Variants in LSAMP observed in about 807,000 individuals in gnomAD.
LSAMP encodes the protein limbic system-associated membrane protein.
Under a neutral mutation model 38.6 loss-of-function variants are expected in LSAMP, and 7 were observed. The observed-to-expected ratio is 0.18, with a 90% CI of 0.10 to 0.34. The LOEUF is 0.34. Among genes scored for constraint, LSAMP ranks in the 10% least tolerant of loss-of-function variants. LSAMP has a pLI of 1.00. For missense variants in LSAMP, 313 were observed against 420.0 expected, an observed-to-expected ratio of 0.75 and a Z score of 2.23; for synonymous variants, 154 against 166.8, an observed-to-expected ratio of 0.92 and a Z score of 0.59.
chr3:115,888,297 A>G (rs561402605), intron 3 of LSAMP, among the ~76,000 whole-genome samples: 4 of 151,922 alleles, frequency 2.6e-5, no homozygotes, highest in Admixed American at 2.6e-4. Flanking sequence ...ACTGTAGAAA[A>G]ACATCCATCC....
chr3:116,217,461 G>A (rs1217027775), intron 1 of LSAMP, among the ~76,000 whole-genome samples: 1 of 152,192 alleles, frequency 6.6e-6, no homozygotes. Context: ...GTTTACAAAT[G>A]CACGCATTCT....
chr3:115,837,871 G>A (rs527613843), intron 6 of LSAMP: 1 of 152,318 alleles, frequency 6.6e-6, no homozygotes, highest in South Asian at 2.1e-4. Flanking sequence ...TACATAGTAC[G>A]GTTGTTGTGA....
intron 1 of LSAMP, among the ~76,000 whole-genome samples, chr3:116,235,242 G>A (rs993650596): frequency 6.6e-6 from 1 of 151,908 alleles, no homozygotes; most frequent in African/African-American, 2.4e-5. Context: ...AGCCTCCCAG[G>A]TAGTTAGGAC....
chr3:116,240,705 C>T (rs1303871967), intron 1 of LSAMP, among the ~76,000 whole-genome samples: 1 of 152,110 alleles, frequency 6.6e-6, no homozygotes, highest in Non-Finnish European at 1.5e-5. Context: ...ATCTGTGGAA[C>T]CCAAGTTGTT....
intron 2 of LSAMP, among the ~76,000 whole-genome samples, chr3:116,048,050 C>G (rs1941326457): frequency 6.6e-6 from 1 of 152,132 alleles, no homozygotes; most frequent in South Asian, 2.1e-4. Context: ...CTTTGAATTT[C>G]CAAAATCTGA....
At chr3:116,163,139 T>C (rs1709939890) in intron 1 of LSAMP, among the ~76,000 whole-genome samples, 2 of 151,770 alleles carry the variant, frequency 1.3e-5, no homozygotes, top group African/African-American at 2.4e-5. Context: ...GTTTGTTACA[T>C]ATGTATACAT....
At chr3:116,102,665 T>G (rs1708373406) in intron 1 of LSAMP, among the ~76,000 whole-genome samples, 1 of 152,256 alleles carries the variant, frequency 6.6e-6, no homozygotes, top group Non-Finnish European at 1.5e-5. Flanking sequence ...GGACTTGGAC[T>G]GAAATTACTT....
intron 1 of LSAMP, among the ~76,000 whole-genome samples, chr3:116,297,292 G>T (rs1192957504): frequency 6.6e-6 from 1 of 152,254 alleles, no homozygotes; most frequent in East Asian, 1.9e-4. Context: ...AAATCTTGGA[G>T]AGACCATTGA....
chr3:116,051,828 G>A (rs898411434), intron 2 of LSAMP, among the ~76,000 whole-genome samples: 2 of 152,034 alleles, frequency 1.3e-5, no homozygotes, highest in Non-Finnish European at 2.9e-5. Context: ...ATGGTGCAGG[G>A]GGCTGGGGAG....
At chr3:116,089,932 A>C (rs1244402721) in intron 1 of LSAMP, among the ~76,000 whole-genome samples, 4 of 152,110 alleles carry the variant, frequency 2.6e-5, no homozygotes, top group African/African-American at 9.7e-5. Context: ...AATGTGACTA[A>C]AACTTTCTTA....
chr3:116,257,673 T>C (rs960543072), intron 1 of LSAMP, among the ~76,000 whole-genome samples: 2 of 152,186 alleles, frequency 1.3e-5, no homozygotes, highest in African/African-American at 4.8e-5. Context: ...ATGAGCAATG[T>C]AATTTTTTTC....
At chr3:116,107,683 C>T (rs1000368056) in intron 1 of LSAMP, among the ~76,000 whole-genome samples, 15 of 152,306 alleles carry the variant, frequency 9.8e-5, no homozygotes, top group South Asian at 2.1e-4. Flanking sequence ...TCTGTGAAGC[C>T]TTGCGGCAGT....
intron 1 of LSAMP, among the ~76,000 whole-genome samples, chr3:116,096,748 C>T (rs1708234701): frequency 6.6e-6 from 1 of 152,330 alleles, no homozygotes; most frequent in Middle Eastern, 3.4e-3. Context: ...CTGAGATCTG[C>T]TGGCTGAATT....
At chr3:116,342,518 ATC>A in intron 1 of LSAMP, among the ~76,000 whole-genome samples, 1 of 152,170 alleles carries the variant, frequency 6.6e-6, no homozygotes, top group African/African-American at 2.4e-5. Flanking sequence ...CCACAAAGAA[ATC>A]TCTGTTCAAC....
rs1285146385 is a variant in LSAMP at position 115,949,410 on chromosome 3, A to G, written c.514+70105T>C. Among the ~76,000 whole-genome samples the G allele has an allele frequency of 7.9e-5, 12 of 151,604 alleles. 1 individual carries two copies. In the South Asian group the frequency reaches 1.9e-3, roughly 24 times the overall value. On this transcript the variant is annotated intron_variant, in intron 3 of 6. Coordinates refer to ENST00000490035, the MANE Select transcript of LSAMP (RefSeq NM_002338.5). ...AATAGTTTTTTTGTTTTATTTATTT[A>G]TTTAGATTTATACAAAAGGTCATTC...
At position 115,937,443 on chromosome 3, in the gene LSAMP, C is replaced by G. The variant is rs139946366; in HGVS notation, c.514+82072G>C. Among the ~76,000 whole-genome samples, 401 of 152,002 alleles carry G rather than the reference C, an allele frequency of 2.6e-3. 1 individual carries two copies. The highest frequency in any genetic ancestry group is 8.7e-3 in the African/African-American group (362 of 41,444). ...ATTGCTTGAGCCCAGGAGTTCAAGA[C>G]CAGCCTGGGCAACAAAGTGACACTC... On this transcript the variant is annotated intron_variant, in intron 3 of 6. Coordinates refer to ENST00000490035, the MANE Select transcript of LSAMP (RefSeq NM_002338.5).
At chr3:115,973,759 C>T (rs888844016) in intron 3 of LSAMP, among the ~76,000 whole-genome samples, 1 of 151,982 alleles carries the variant, frequency 6.6e-6, no homozygotes, top group African/African-American at 2.4e-5. Flanking sequence ...ATTTATGTTT[C>T]ATATACACCT....
At chr3:115,890,886 A>T (rs1936581151) in intron 3 of LSAMP, among the ~76,000 whole-genome samples, 1 of 151,852 alleles carries the variant, frequency 6.6e-6, no homozygotes, top group South Asian at 2.1e-4. Flanking sequence ...CCCTTAGAGG[A>T]TCTATCCAAT....
chr3:116,162,688 C>A (rs891802546), intron 1 of LSAMP, among the ~76,000 whole-genome samples: 7 of 149,144 alleles, frequency 4.7e-5, no homozygotes, highest in African/African-American at 1.7e-4. Flanking sequence ...CTCTCTCTCT[C>A]TCTCTCTATA....
Sources: gnomAD v4.1 joint callset for allele counts (sites outside exome capture counted in the v4.1 genomes callset) on GRCh38, gnomAD v4.1.1 for gene constraint, MANE v1.5 for transcripts, NCBI Gene and HGNC (gene_info 2026-07-23, HGNC 2026-07-21) for gene names.